CCDC146: variants seen among roughly 807,000 people sequenced by gnomAD.
The protein encoded by CCDC146 is coiled-coil domain containing 146.
A neutral mutation model predicts 119.3 loss-of-function variants in CCDC146; 92 were observed. The observed-to-expected ratio is 0.77, with a 90% CI of 0.65 to 0.92. CCDC146 has a LOEUF of 0.92. Among genes scored for constraint, CCDC146 ranks in the 40% least tolerant of loss-of-function variants. The pLI is 0.00. For missense variants in CCDC146, 1,000 were observed against 1,103.0 expected, an observed-to-expected ratio of 0.91 and a Z score of 1.32; for synonymous variants, 372 against 371.8, an observed-to-expected ratio of 1.00 and a Z score of -0.01.
chr7:77,291,476 G>A (rs750323231), intron 17 of CCDC146, among the ~76,000 whole-genome samples: 2 of 151,590 alleles, frequency 1.3e-5, no homozygotes, highest in East Asian at 1.9e-4. Flanking sequence ...AGGCCATGGC[G>A]GGTAGATTGC....
intron 2 of CCDC146, chr7:77,197,016 T>C (rs1791886072): frequency 1.5e-6 from 2 of 1,353,268 alleles, no homozygotes; most frequent in Non-Finnish European, 2.1e-6. Flanking sequence ...AGGCATTGGA[T>C]CTTGTTAATA....
chr7:77,276,377 T>C (rs1053236051), intron 11 of CCDC146, among the ~76,000 whole-genome samples: 1 of 152,144 alleles, frequency 6.6e-6, no homozygotes, highest in African/African-American at 2.4e-5. Context: ...CAATGAGGTA[T>C]GAAGTAGATT....
chr7:77,223,799 A>G (rs186053074), intron 2 of CCDC146, among the ~76,000 whole-genome samples: 3,632 of 152,316 alleles, frequency 0.024, 124 homozygotes, highest in East Asian at 0.14. Context: ...AGATGAATAG[A>G]GCAGGGTTCC....
At chr7:77,169,404 C>T (rs1358394986) in intron 2 of CCDC146, among the ~76,000 whole-genome samples, 1 of 152,202 alleles carries the variant, frequency 6.6e-6, no homozygotes, top group African/African-American at 2.4e-5. Context: ...AGAAGAGATA[C>T]TCTGAGACTA....
chr7:77,223,469 AG>A (rs139263244), intron 2 of CCDC146, among the ~76,000 whole-genome samples: 3,742 of 152,292 alleles, frequency 0.025, 138 homozygotes, highest in African/African-American at 0.084. Context: ...AGGAACAAAC[AG>A]CTGTGAGAGA....
At chr7:77,227,452 C>A (rs1002807166) in intron 2 of CCDC146, among the ~76,000 whole-genome samples, 64 of 152,252 alleles carry the variant, frequency 4.2e-4, no homozygotes, top group African/African-American at 1.5e-3. Flanking sequence ...ACTACAGGTG[C>A]CTGCCACCAC....
At chr7:77,254,155 T>C (rs1363809063) in intron 4 of CCDC146, among the ~76,000 whole-genome samples, 1 of 152,164 alleles carries the variant, frequency 6.6e-6, no homozygotes, top group Non-Finnish European at 1.5e-5. Flanking sequence ...TGGGAGGCTG[T>C]AGCAGGAATC....
intron 2 of CCDC146, among the ~76,000 whole-genome samples, chr7:77,209,814 C>A (rs1792148639): frequency 6.6e-6 from 1 of 152,196 alleles, no homozygotes; most frequent in African/African-American, 2.4e-5. Flanking sequence ...GGGGCTTGTA[C>A]CCTCTGAAAC....
At chr7:77,175,513 T>C (rs959134923) in intron 2 of CCDC146, among the ~76,000 whole-genome samples, 1 of 150,748 alleles carries the variant, frequency 6.6e-6, no homozygotes, top group Non-Finnish European at 1.5e-5. Context: ...ATGATGAAGA[T>C]GGATTAAGTT....
intron 4 of CCDC146, among the ~76,000 whole-genome samples, chr7:77,250,973 T>TTGTG (rs58026945): frequency 0.015 from 1,684 of 114,644 alleles, 15 homozygotes; most frequent in East Asian, 0.025. Flanking sequence ...TCTCTGGTAT[T>TTGTG]TGTGTGTGTG....
chr7:77,225,242 T>C (rs1016068664), intron 2 of CCDC146, among the ~76,000 whole-genome samples: 2 of 152,328 alleles, frequency 1.3e-5, no homozygotes, highest in African/African-American at 4.8e-5. Flanking sequence ...TCAAGTTACA[T>C]AGTTTTAAAA....
chr7:77,258,894 C>T, intron 6 of CCDC146, 101 bp from the exon 7 acceptor site: 1 of 743,174 alleles, frequency 1.3e-6, no homozygotes, highest in Admixed American at 2.3e-5. Flanking sequence ...TGGTAAGTAT[C>T]TACATATTGT....
At chr7:77,292,815 A>C in intron 17 of CCDC146, 137 bp from the exon 18 acceptor site, 1 of 831,538 alleles carries the variant, frequency 1.2e-6, no homozygotes. Flanking sequence ...CCAGTTCTTA[A>C]TTTCTGTGAA....
chr7:77,278,537 T>C (rs868270526), intron 11 of CCDC146, among the ~76,000 whole-genome samples: 9 of 150,216 alleles, frequency 6.0e-5, no homozygotes, highest in Admixed American at 1.3e-4. Flanking sequence ...CCTCGAATTC[T>C]TGGGCTCGAG....
At chr7:77,176,148 A>C (rs1791496121) in intron 2 of CCDC146, among the ~76,000 whole-genome samples, 1 of 151,124 alleles carries the variant, frequency 6.6e-6, no homozygotes. Context: ...ATGACCCCAA[A>C]GTACCTCAAA....
chr7:77,183,588 G>A (rs1468267006), intron 2 of CCDC146, among the ~76,000 whole-genome samples: 2 of 152,168 alleles, frequency 1.3e-5, no homozygotes, highest in Non-Finnish European at 2.9e-5. Flanking sequence ...CAGGCCAGGA[G>A]TGCTTTCTTC....
At chr7:77,228,066 G>C (rs1043343058) in intron 2 of CCDC146, among the ~76,000 whole-genome samples, 3 of 152,134 alleles carry the variant, frequency 2.0e-5, no homozygotes, top group African/African-American at 7.2e-5. Flanking sequence ...TCTAACACTT[G>C]CTGCTTCCTT....
At chr7:77,203,747 C>T (rs753896365) in intron 2 of CCDC146, among the ~76,000 whole-genome samples, 1 of 152,202 alleles carries the variant, frequency 6.6e-6, no homozygotes, top group Non-Finnish European at 1.5e-5. Flanking sequence ...ATCTTCCTTA[C>T]TACCCTGAAT....
At chr7:77,141,516 C>G (rs573849780) in intron 1 of CCDC146, among the ~76,000 whole-genome samples, 10 of 152,316 alleles carry the variant, frequency 6.6e-5, no homozygotes, top group Admixed American at 2.0e-4. Flanking sequence ...AATGGTTGAA[C>G]TCATTTACAC....
Sources: gnomAD v4.1 joint callset for allele counts (sites outside exome capture counted in the v4.1 genomes callset) on GRCh38, gnomAD v4.1.1 for gene constraint, MANE v1.5 for transcripts, NCBI Gene and HGNC (gene_info 2026-07-23, HGNC 2026-07-21) for gene names.